STK33: variants seen among roughly 807,000 people sequenced by gnomAD.
STK33 encodes serine/threonine kinase 33.
STK33 carries 52 observed loss-of-function variants against 58.0 expected under a neutral mutation model. That is an observed-to-expected ratio of 0.90 (90% CI 0.72 to 1.13). The LOEUF (loss-of-function observed/expected upper bound fraction) is 1.13. STK33 is among the 50% of genes most tolerant of loss of function. The probability of loss-of-function intolerance (pLI) is 0.00; values close to 1 mark genes in which losing one functional copy is unlikely to be tolerated. For missense variants in STK33, 630 were observed against 604.2 expected, an observed-to-expected ratio of 1.04 and a Z score of -0.45; for synonymous variants, 215 against 200.1, an observed-to-expected ratio of 1.07 and a Z score of -0.63.
chr11:8,566,865 A>G (rs551132053), intron 1 of STK33, among the ~76,000 whole-genome samples: 1 of 152,180 alleles, frequency 6.6e-6, no homozygotes, highest in South Asian at 2.1e-4. Flanking sequence ...CGAACCTATG[A>G]CATTGTTAAA....
chr11:8,436,590 G>T (rs771425632), intron 12 of STK33, among the ~76,000 whole-genome samples: 2 of 152,172 alleles, frequency 1.3e-5, no homozygotes, highest in Non-Finnish European at 2.9e-5. Context: ...AGTTATCAGG[G>T]TCTAACTAGT....
intron 14 of STK33, among the ~76,000 whole-genome samples, chr11:8,426,323 C>T (rs935525879): frequency 2.6e-5 from 4 of 152,226 alleles, no homozygotes; most frequent in African/African-American, 9.6e-5. Context: ...TGGCCCTATG[C>T]CGCGGAGTGA....
chr11:8,494,915 C>A (rs1591477828), intron 1 of STK33, among the ~76,000 whole-genome samples: 1 of 152,146 alleles, frequency 6.6e-6, no homozygotes, highest in Non-Finnish European at 1.5e-5. Context: ...AAACTGCATC[C>A]CTTCCTTACA....
the STK33 span, among the ~76,000 whole-genome samples, chr11:8,366,096 G>C: frequency 6.6e-6 from 1 of 152,236 alleles, no homozygotes; most frequent in African/African-American, 2.4e-5. Context: ...GGAAGGAAAA[G>C]GGGGAAGCAG....
chr11:8,339,704 C>T, the STK33 span, among the ~76,000 whole-genome samples: 1 of 146,996 alleles, frequency 6.8e-6, no homozygotes, highest in African/African-American at 2.5e-5. Flanking sequence ...AGAGCTAGGG[C>T]AAGGGTGGGT....
the STK33 span, among the ~76,000 whole-genome samples, chr11:8,379,381 T>G: frequency 5.3e-5 from 8 of 152,156 alleles, no homozygotes; most frequent in African/African-American, 1.7e-4. Context: ...GAGAAAATAT[T>G]AGCAAACTAT....
chr11:8,355,697 A>G, the STK33 span, among the ~76,000 whole-genome samples: 1 of 152,228 alleles, frequency 6.6e-6, no homozygotes, highest in Admixed American at 6.5e-5. Context: ...ACAGGCCACT[A>G]AGCTTTTCTG....
At chr11:8,381,373 C>T in the STK33 span, among the ~76,000 whole-genome samples, 9 of 152,172 alleles carry the variant, frequency 5.9e-5, no homozygotes, top group African/African-American at 1.9e-4. Context: ...AGCCGAGAGT[C>T]TCCTGGCTGC....
At chr11:8,530,973 G>A (rs184142847) in intron 1 of STK33, among the ~76,000 whole-genome samples, 32 of 152,220 alleles carry the variant, frequency 2.1e-4, no homozygotes, top group East Asian at 1.4e-3. Context: ...TTACAGGCGC[G>A]AGCCACCACA....
the STK33 span, among the ~76,000 whole-genome samples, chr11:8,353,185 G>C: frequency 6.6e-6 from 1 of 152,178 alleles, no homozygotes; most frequent in African/African-American, 2.4e-5. Context: ...TGAGAGGAGA[G>C]GAGCAGAGGA....
chr11:8,366,006 C>T, the STK33 span, among the ~76,000 whole-genome samples: 2 of 152,228 alleles, frequency 1.3e-5, no homozygotes, highest in East Asian at 3.8e-4. Flanking sequence ...TACTACTTGC[C>T]TGTTCTGGGG....
chr11:8,453,051 T>G, intron 10 of STK33, 145 bp from the exon 11 acceptor site: 1 of 694,176 alleles, frequency 1.4e-6, no homozygotes, highest in African/African-American at 1.8e-5. Flanking sequence ...AATAAAAATT[T>G]TGCATTTCCT....
intron 10 of STK33, among the ~76,000 whole-genome samples, chr11:8,453,308 A>T (rs1242298725): frequency 6.6e-6 from 1 of 152,226 alleles, no homozygotes; most frequent in Non-Finnish European, 1.5e-5. Context: ...TCTGATAATC[A>T]AGTTATATTC....
the STK33 span, among the ~76,000 whole-genome samples, chr11:8,336,240 G>A: frequency 1.3e-5 from 2 of 152,362 alleles, no homozygotes; most frequent in East Asian, 1.9e-4. Flanking sequence ...AGGAAGGAGG[G>A]CCAATGGAGA....
At chr11:8,376,971 C>T in the STK33 span, among the ~76,000 whole-genome samples, 1 of 152,188 alleles carries the variant, frequency 6.6e-6, no homozygotes, top group Non-Finnish European at 1.5e-5. Flanking sequence ...CTGTAGAAGC[C>T]TTCGTAACCT....
the STK33 span, among the ~76,000 whole-genome samples, chr11:8,344,601 C>T: frequency 0.38 from 58,357 of 152,032 alleles, 11,767 homozygotes; most frequent in African/African-American, 0.52. Context: ...GATATTCAAA[C>T]GCAGACAGCC....
intron 1 of STK33, among the ~76,000 whole-genome samples, chr11:8,557,025 A>G (rs1956784682): frequency 6.6e-6 from 1 of 151,798 alleles, no homozygotes; most frequent in South Asian, 2.1e-4. Context: ...CCAAAGCAGG[A>G]GGATCACTTG....
intron 1 of STK33, among the ~76,000 whole-genome samples, chr11:8,510,036 G>C (rs1312041360): frequency 6.6e-6 from 1 of 152,184 alleles, no homozygotes; most frequent in Non-Finnish European, 1.5e-5. Context: ...GGGATTGCCA[G>C]ATCAAATGGT....
intron 1 of STK33, among the ~76,000 whole-genome samples, chr11:8,538,161 C>T (rs1955202281): frequency 6.6e-6 from 1 of 151,702 alleles, no homozygotes. Context: ...GCACTCTAGC[C>T]TCAGTGGCAG....
Sources: allele counts gnomAD v4.1 joint callset (sites outside exome capture counted in the v4.1 genomes callset), GRCh38; gene constraint gnomAD v4.1.1; transcripts MANE v1.5; gene names NCBI Gene and HGNC (gene_info 2026-07-23, HGNC 2026-07-21).